Variants in CFHR3 observed in about 807,000 individuals in gnomAD.
CFHR3 encodes complement factor H related 3.
A neutral mutation model predicts 36.0 loss-of-function variants in CFHR3; 22 were observed. That is an observed-to-expected ratio of 0.61 (90% CI 0.44 to 0.87). CFHR3 has a LOEUF of 0.87. CFHR3 is among the 40% of genes least tolerant of loss of function. CFHR3 has a pLI of 0.00. For missense variants in CFHR3, 276 were observed against 401.3 expected, an observed-to-expected ratio of 0.69 and a Z score of 2.67; for synonymous variants, 97 against 137.4, an observed-to-expected ratio of 0.71 and a Z score of 2.06.
rs1558204811 is a variant in CFHR3 at position 196,793,299 on chromosome 1, G to A, written c.797-18G>A. 6.7e-7 allele frequency: 1 copy of A among 1,487,510 alleles called. No individual in the cohort carries two copies. Among genetic ancestry groups the A allele is most frequent in the Admixed American group, 1.8e-5 (1 of 56,512 alleles). The allele number at this position is 1,487,510 out of a possible 1,614,324, so 92.1% of individuals were successfully genotyped here. ...AAAGAGAAAATTATGATTGTTAATT[G>A]TTTTTTTCTGCTTTCAGATCCATGT... On this transcript the variant is annotated intron_variant, in intron 5 of 5. Coordinates refer to ENST00000367425, the MANE Select transcript of CFHR3 (RefSeq NM_021023.6).
chr1:196,793,323 G>A lies in CFHR3; in HGVS notation c.803G>A (p.Cys268Tyr), dbSNP rs745503234. ...TGTTTTTTTCTGCTTTCAGATCCAT[G>A]TATAATAACTGAAGAAAACATGAAT... ...WSEPPRCIHPCIITEENMNKN... is the reference protein window; with the variant it reads ...WSEPPRCIHPYIITEENMNKN... The change falls in exon 6 of 6, where the codon TGT becomes TAT. Residue 268 changes from cysteine (C) to tyrosine (Y), a missense_variant. Around this residue, in one of 3 missense-constraint regions of CFHR3, gnomAD observed 76 missense variants for 79.8 expected, o/e 0.95. Transcript: ENST00000367425. The A allele has an allele frequency of 2.0e-6, 3 of 1,509,558 alleles. No homozygotes were observed. In the South Asian group the frequency reaches 3.8e-5, roughly 19 times the overall value. 93.5% of individuals were successfully genotyped at this position (1,509,558 alleles called of 1,614,324 possible).
rs1370388952 is a variant in CFHR3 at position 196,784,203 on chromosome 1, G to A, written c.431-4013G>A. Among the ~76,000 whole-genome samples, 5 of 136,230 alleles carry A rather than the reference G, an allele frequency of 3.7e-5. 1 individual carries two copies. Among genetic ancestry groups the A allele is most frequent in the Non-Finnish European group, 7.8e-5 (5 of 64,462 alleles). The allele number at this position is 136,230 out of a possible 152,430, so 89.4% of individuals were successfully genotyped here. A position where few individuals can be genotyped will look rare whatever the true frequency, so the allele number is the denominator to read the frequency against. On this transcript the variant is annotated intron_variant, in intron 3 of 5. Coordinates refer to ENST00000367425, the MANE Select transcript of CFHR3 (RefSeq NM_021023.6). ...TAATTTCTGTTCTTTTACATTTGCT[G>A]AGGAGAGCTTTACTTCCAACTATGT...
chr1:196,777,605 C>T (rs1321768939), intron 1 of CFHR3, among the ~76,000 whole-genome samples: 2 of 136,934 alleles, frequency 1.5e-5, no homozygotes, highest in Non-Finnish European at 3.1e-5. Context: ...TATGAAATTC[C>T]AGTGCCTTTT....
At chr1:196,792,545 A>C (rs1654457909) in intron 5 of CFHR3, among the ~76,000 whole-genome samples, 1 of 126,602 alleles carries the variant, frequency 7.9e-6, no homozygotes, top group Non-Finnish European at 1.6e-5. Flanking sequence ...AAAAATTATA[A>C]ATTTTTTTAC....
chr1:196,791,336 A>G (rs1363890236), intron 5 of CFHR3, among the ~76,000 whole-genome samples: 1 of 136,714 alleles, frequency 7.3e-6, no homozygotes, highest in Non-Finnish European at 1.5e-5. Context: ...CACAATGATT[A>G]TGGCAACAAC....
intron 3 of CFHR3, among the ~76,000 whole-genome samples, chr1:196,786,023 C>G (rs566159): frequency 7.4e-6 from 1 of 134,646 alleles, no homozygotes; most frequent in South Asian, 2.6e-4. Flanking sequence ...TTCTAACAGA[C>G]AGGACCCTCA....
rs186862006 is a variant in CFHR3, at chr1:196,775,201, T to C, written c.58+257T>C. Among the ~76,000 whole-genome samples the C allele has an allele frequency of 2.7e-3, 368 of 137,180 alleles. 35 individuals are homozygous for C. The highest frequency in any genetic ancestry group is 1.9e-4 in the Non-Finnish European group (12 of 64,440). The allele number at this position is 137,180 out of a possible 152,430, so 90.0% of individuals were successfully genotyped here. A position where few individuals can be genotyped will look rare whatever the true frequency, so the allele number is the denominator to read the frequency against. ...TGTAAAAGGCATTTAATATTGATTA[T>C]GGAGATATGTGAATATACTCATGAA... On this transcript the variant is annotated intron_variant, in intron 1 of 5. Coordinates refer to ENST00000367425, the MANE Select transcript of CFHR3 (RefSeq NM_021023.6).
intron 3 of CFHR3, among the ~76,000 whole-genome samples, chr1:196,784,188 T>A (rs527617689): frequency 0.019 from 2,553 of 136,574 alleles, 661 homozygotes; most frequent in African/African-American, 0.071. Flanking sequence ...TAATTTCTGT[T>A]CTTTTACATT....
intron 4 of CFHR3, chr1:196,788,667 T>A (rs1456704092): frequency 1.4e-6 from 2 of 1,448,694 alleles, no homozygotes; most frequent in East Asian, 2.5e-5. Flanking sequence ...GGGAGCTGCA[T>A]GAGAGTATCA....
rs1283399516 is a variant in CFHR3 at position 196,790,843 on chromosome 1, C to A, written c.796+616C>A. On this transcript the variant is annotated intron_variant, in intron 5 of 5. Transcript: ENST00000367425. ...AAAAACCAAGAATGTTCAGAGTCTT[C>A]AATTTGTTAATGGATACAATGAGTC... Among the ~76,000 whole-genome samples, 36 of 135,222 alleles carry A rather than the reference C, an allele frequency of 2.7e-4. 6 individuals carry two copies. The highest frequency in any genetic ancestry group is 2.2e-3 in the Admixed American group (31 of 14,050). 88.7% of individuals were successfully genotyped at this position (135,222 alleles called of 152,430 possible).
chr1:196,790,571 A>C lies in CFHR3; in HGVS notation c.796+344A>C, dbSNP rs1253409149. 3.7e-5 allele frequency among the ~76,000 whole-genome samples: 5 copies of C among 135,070 alleles called. 2 individuals carry two copies. Among genetic ancestry groups the C allele is most frequent in the African/African-American group, 1.6e-4 (5 of 31,984 alleles). The allele number at this position is 135,070 out of a possible 152,430, so 88.6% of individuals were successfully genotyped here. On this transcript the variant is annotated intron_variant, in intron 5 of 5. Coordinates refer to ENST00000367425, the MANE Select transcript of CFHR3 (RefSeq NM_021023.6). ...GAACCCCGTATCTACAAAAAATACA[A>C]AAATTAGCCAGGCATGCTGGCATAT...
intron 5 of CFHR3, 27 bp from the exon 6 acceptor site, chr1:196,793,290 T>C (rs1215789029): frequency 1.4e-6 from 2 of 1,475,626 alleles, no homozygotes; most frequent in Admixed American, 1.8e-5. Flanking sequence ...AAAATTATGA[T>C]TGTTAATTGT....
intron 5 of CFHR3, 112 bp from the exon 6 acceptor site, chr1:196,793,205 C>G: frequency 9.7e-7 from 1 of 1,025,794 alleles, no homozygotes; most frequent in Non-Finnish European, 1.3e-6. Context: ...TAACTATTAA[C>G]TATTTGGATT....
Position 196,785,135 on chromosome 1 carries a change from A to C in CFHR3, c.431-3081A>C, listed in dbSNP as rs1481840790. Among the ~76,000 whole-genome samples, 12 of 134,752 alleles carry C rather than the reference A, an allele frequency of 8.9e-5. 1 individual carries two copies. Among genetic ancestry groups the C allele is most frequent in the Non-Finnish European group, 9.4e-5 (6 of 63,848 alleles). 88.4% of individuals were successfully genotyped at this position (134,752 alleles called of 152,430 possible). A position where few individuals can be genotyped will look rare whatever the true frequency, so the allele number is the denominator to read the frequency against. ...TTAAGAATGTTGAATATTGGCCCCC[A>C]CTCTCTTCTGGCTTGTAGAGTTTCT... On this transcript the variant is annotated intron_variant, in intron 3 of 5. Coordinates refer to ENST00000367425, the MANE Select transcript of CFHR3 (RefSeq NM_021023.6).
chr1:196,784,256 G>C (rs1558199607), intron 3 of CFHR3, among the ~76,000 whole-genome samples: 1 of 136,250 alleles, frequency 7.3e-6, no homozygotes, highest in African/African-American at 3.1e-5. Flanking sequence ...GTGTGGTGTG[G>C]TGCTGAAAAA....
intron 3 of CFHR3, among the ~76,000 whole-genome samples, chr1:196,786,983 C>A (rs1180616306): frequency 1.5e-5 from 2 of 137,652 alleles, no homozygotes; most frequent in Non-Finnish European, 3.1e-5. Context: ...AGTTAGTGCT[C>A]TGTTGCTTTA....
At position 196,788,703 on chromosome 1, in the gene CFHR3, A is replaced by G. The variant is rs1284718685; in HGVS notation, c.613+305A>G. ...GCAAAATATGTTAGTTGCCAATAAAAACTTTGTTGTCTTCCCTTTCTTTGT... is the reference window on the plus strand; with the variant it reads ...GCAAAATATGTTAGTTGCCAATAAAGACTTTGTTGTCTTCCCTTTCTTTGT... On this transcript the variant is annotated intron_variant, in intron 4 of 5. Coordinates refer to ENST00000367425, the MANE Select transcript of CFHR3 (RefSeq NM_021023.6). 1.6e-5 allele frequency: 23 copies of G among 1,454,944 alleles called. 3 individuals carry two copies. Among genetic ancestry groups the G allele is most frequent in the Non-Finnish European group, 2.0e-5 (22 of 1,097,552 alleles). 90.1% of individuals were successfully genotyped at this position (1,454,944 alleles called of 1,614,324 possible). A position where few individuals can be genotyped will look rare whatever the true frequency, so the allele number is the denominator to read the frequency against.
At chr1:196,786,864 G>A (rs1337584617) in intron 3 of CFHR3, among the ~76,000 whole-genome samples, 4 of 137,336 alleles carry the variant, frequency 2.9e-5, no homozygotes, top group Non-Finnish European at 6.2e-5. Flanking sequence ...CAGAACCTCA[G>A]ATGGAAATGC....
At chr1:196,783,630 C>G (rs1654060837) in intron 3 of CFHR3, among the ~76,000 whole-genome samples, 2 of 134,422 alleles carry the variant, frequency 1.5e-5, no homozygotes, top group Non-Finnish European at 1.6e-5. Context: ...GTTTGTATTT[C>G]TGTGGGATTG....
Sources: allele counts gnomAD v4.1 joint callset (sites outside exome capture counted in the v4.1 genomes callset), GRCh38; gene constraint gnomAD v4.1.1; regional missense constraint gnomAD v4.1.1; transcripts MANE v1.5; gene names NCBI Gene and HGNC (gene_info 2026-07-23, HGNC 2026-07-21).